Variants in SPAG16 observed in about 807,000 individuals in gnomAD.
SPAG16 encodes the protein sperm associated antigen 16.
In SPAG16, 86 loss-of-function variants were observed where a neutral mutation model predicts 80.4. The observed-to-expected ratio is 1.07, with a 90% confidence interval of 0.90 to 1.28. The LOEUF (loss-of-function observed/expected upper bound fraction) is 1.28. Ranked by LOEUF, SPAG16 falls within the 50% of genes most tolerant of loss-of-function variation. The pLI, the probability that SPAG16 is intolerant of heterozygous loss-of-function variation, is 0.00. For synonymous variants in SPAG16, 294 were observed against 265.9 expected, an observed-to-expected ratio of 1.11 and a Z score of -1.03; for missense variants, 870 against 765.3, an observed-to-expected ratio of 1.14 and a Z score of -1.61.
chr2:213,769,699 T>C (rs1010489564), intron 10 of SPAG16, among the ~76,000 whole-genome samples: 1 of 152,238 alleles, frequency 6.6e-6, no homozygotes, highest in Admixed American at 6.5e-5. Flanking sequence ...TCTCTTTCTG[T>C]TTAATTAAAA....
intron 12 of SPAG16, among the ~76,000 whole-genome samples, chr2:213,939,790 A>G (rs549393224): frequency 1.1e-4 from 17 of 152,328 alleles, no homozygotes; most frequent in Middle Eastern, 3.4e-3. Flanking sequence ...AGCAAGAATC[A>G]ATATAAAATG....
chr2:214,261,301 A>C (rs892934790), intron 15 of SPAG16, among the ~76,000 whole-genome samples: 2 of 151,918 alleles, frequency 1.3e-5, no homozygotes, highest in Non-Finnish European at 2.9e-5. Flanking sequence ...ACAGAGAGCT[A>C]GGCTTCAGAA....
At chr2:213,707,530 C>A (rs1290971360) in intron 10 of SPAG16, among the ~76,000 whole-genome samples, 1 of 152,074 alleles carries the variant, frequency 6.6e-6, no homozygotes, top group African/African-American at 2.4e-5. Flanking sequence ...ATTGCACTTA[C>A]TTTTTTATAA....
At chr2:213,394,494 C>T (rs58019498) in intron 9 of SPAG16, among the ~76,000 whole-genome samples, 11,272 of 152,034 alleles carry the variant, frequency 0.074, 1,372 homozygotes, top group African/African-American at 0.25. Context: ...AATATAGTAT[C>T]AAGATTAGGA....
intron 15 of SPAG16, among the ~76,000 whole-genome samples, chr2:214,395,796 TC>T (rs1683024729): frequency 6.6e-6 from 1 of 152,152 alleles, no homozygotes; most frequent in South Asian, 2.1e-4. Flanking sequence ...GGTTTTCTGT[TC>T]CTGTGTTAGT....
chr2:213,468,379 A>C (rs1019486380), intron 9 of SPAG16, among the ~76,000 whole-genome samples: 4 of 145,094 alleles, frequency 2.8e-5, no homozygotes, highest in Admixed American at 1.4e-4. Context: ...CTCTCTCTAT[A>C]TATATAGATA....
intron 10 of SPAG16, among the ~76,000 whole-genome samples, chr2:213,577,599 G>C (rs2124825589): frequency 6.6e-6 from 1 of 152,256 alleles, no homozygotes; most frequent in South Asian, 2.1e-4. Context: ...ATCCAATCCT[G>C]ACACTTAAGA....
At chr2:213,935,510 C>G (rs1326733163) in intron 12 of SPAG16, among the ~76,000 whole-genome samples, 1 of 152,124 alleles carries the variant, frequency 6.6e-6, no homozygotes, top group East Asian at 1.9e-4. Flanking sequence ...CTGTTGGAGT[C>G]CATGAAATCC....
chr2:213,360,367 A>G (rs189031373), intron 7 of SPAG16, among the ~76,000 whole-genome samples: 10 of 152,328 alleles, frequency 6.6e-5, no homozygotes, highest in Admixed American at 2.0e-4. Flanking sequence ...TCTGATATCT[A>G]TTGCAAAAGG....
chr2:214,331,505 T>A (rs760154374), intron 15 of SPAG16, among the ~76,000 whole-genome samples: 3 of 152,162 alleles, frequency 2.0e-5, no homozygotes, highest in Non-Finnish European at 4.4e-5. Flanking sequence ...AAAGGAAAAA[T>A]TCTGCAATCG....
intron 10 of SPAG16, among the ~76,000 whole-genome samples, chr2:213,546,257 T>C (rs2076608968): frequency 6.6e-6 from 1 of 152,144 alleles, no homozygotes; most frequent in African/African-American, 2.4e-5. Flanking sequence ...GCTAAGTCAT[T>C]ACCATTTCTC....
At chr2:214,140,744 A>G (rs1057379152) in intron 14 of SPAG16, among the ~76,000 whole-genome samples, 1 of 151,912 alleles carries the variant, frequency 6.6e-6, no homozygotes. Flanking sequence ...ATACTATTCT[A>G]CAAGCTTCTT....
intron 10 of SPAG16, among the ~76,000 whole-genome samples, chr2:213,625,464 T>TAAAATA: frequency 6.6e-6 from 1 of 152,174 alleles, no homozygotes; most frequent in East Asian, 1.9e-4. Context: ...TTTAAAAAAA[T>TAAAATA]AAAATAAAAT....
At chr2:214,086,467 G>A (rs2051763373) in intron 13 of SPAG16, among the ~76,000 whole-genome samples, 1 of 152,196 alleles carries the variant, frequency 6.6e-6, no homozygotes, top group Non-Finnish European at 1.5e-5. Context: ...ACCTTATGGA[G>A]GTGATGAGAT....
intron 11 of SPAG16, among the ~76,000 whole-genome samples, chr2:213,865,775 A>G (rs1419240237): frequency 6.8e-6 from 1 of 146,984 alleles, no homozygotes; most frequent in Non-Finnish European, 1.5e-5. Flanking sequence ...TAAATTCAGA[A>G]TTTGTCTGTC....
Position 213,480,999 on chromosome 2 carries a change from G to A in SPAG16, c.943-8964G>A, listed in dbSNP as rs181785186. The stretch of plus-strand genomic sequence containing the variant: ...ATTGCAATTTCAATTACAAAAATGC[G>A]TGCTTATTCTTCATTTTGGAAGCCC... On this transcript the variant is annotated intron_variant, in intron 9 of 15. Transcript: ENST00000331683. Among the ~76,000 whole-genome samples, 368 of 152,198 alleles carry A rather than the reference G, an allele frequency of 2.4e-3. 7 individuals carry two copies. Among genetic ancestry groups the A allele is most frequent in the South Asian group, 0.015 (74 of 4,824 alleles).
At chr2:213,419,835 C>T (rs2047838) in intron 9 of SPAG16, among the ~76,000 whole-genome samples, 2 of 152,144 alleles carry the variant, frequency 1.3e-5, no homozygotes, top group East Asian at 1.9e-4. Context: ...GTAAGAGATC[C>T]GTATGAACAA....
intron 11 of SPAG16, among the ~76,000 whole-genome samples, chr2:213,913,345 A>T (rs2077766421): frequency 6.6e-6 from 1 of 152,146 alleles, no homozygotes; most frequent in Admixed American, 6.6e-5. Context: ...TCCAAGGAGC[A>T]TTCTGCATAT....
intron 10 of SPAG16, among the ~76,000 whole-genome samples, chr2:213,843,923 G>A (rs1346947909): frequency 6.6e-6 from 1 of 150,840 alleles, no homozygotes; most frequent in Non-Finnish European, 1.5e-5. Flanking sequence ...TAGGATTATT[G>A]TCATTATAGT....
Sources: allele counts gnomAD v4.1 joint callset (sites outside exome capture counted in the v4.1 genomes callset), GRCh38; gene constraint gnomAD v4.1.1; transcripts MANE v1.5; gene names NCBI Gene and HGNC (gene_info 2026-07-23, HGNC 2026-07-21).